Variants in CIP2A observed in about 807,000 individuals in gnomAD.
The protein encoded by CIP2A is protein CIP2A.
CIP2A carries 103 observed loss-of-function variants against 110.9 expected under a neutral mutation model. That is an observed-to-expected ratio of 0.93 (90% CI 0.79 to 1.09). The LOEUF (loss-of-function observed/expected upper bound fraction) is 1.09. Ranked by LOEUF, CIP2A falls within the 50% of genes least tolerant of loss-of-function variation. The probability of loss-of-function intolerance (pLI) is 0.00; values close to 1 mark genes in which losing one functional copy is unlikely to be tolerated. For synonymous variants in CIP2A, 381 were observed against 361.6 expected, an observed-to-expected ratio of 1.05 and a Z score of -0.61; for missense variants, 1,088 against 1,038.4, an observed-to-expected ratio of 1.05 and a Z score of -0.66.
intron 7 of CIP2A, 65 bp from the exon 8 acceptor site, chr3:108,576,411 A>T: frequency 1.2e-6 from 1 of 830,626 alleles, no homozygotes; most frequent in Non-Finnish European, 1.9e-6. Context: ...AAAGGGATTT[A>T]TCTACAAGAT....
intron 7 of CIP2A, 70 bp from the exon 8 acceptor site, chr3:108,576,416 CAAGATA>C: frequency 1.3e-6 from 1 of 790,176 alleles, no homozygotes; most frequent in Non-Finnish European, 2.0e-6. Flanking sequence ...GATTTATCTA[CAAGATA>C]AATATAAAAT....
intron 3 of CIP2A, among the ~76,000 whole-genome samples, 175 bp downstream of exon 3, chr3:108,582,802 C>G (rs979337619): frequency 6.6e-6 from 1 of 152,142 alleles, no homozygotes; most frequent in Non-Finnish European, 1.5e-5. Context: ...CTTCTCTTCT[C>G]TAGAAACATT....
At chr3:108,560,108 C>A in intron 14 of CIP2A, 80 bp from the exon 15 acceptor site, 2 of 753,852 alleles carry the variant, frequency 2.7e-6, no homozygotes, top group South Asian at 3.5e-5. Flanking sequence ...TACTTCAAAA[C>A]TAAATCATTA....
rs188049770 is a variant in CIP2A, at chr3:108,575,972, A to G, written c.894+299T>C. Among the ~76,000 whole-genome samples the G allele has an allele frequency of 7.3e-5, 11 of 151,132 alleles. No homozygotes were observed. The East Asian group carries it at 7.8e-4, about 11-fold the overall frequency. ...CATATATGTGTATATATATGTGTAC[A>G]TATATATGTATGCTGTTAGAAGTCA... On this transcript the variant is annotated intron_variant, in intron 8 of 20. Transcript: ENST00000295746.
chr3:108,563,163 A>G lies in CIP2A; in HGVS notation c.1597T>C (p.Leu533=). The part of the protein sequence containing the change: ...EQVQSGLRIL[L]EAAPLPDFPA... The stretch of plus-strand genomic sequence containing the variant: ...AAATCTGGCAGTGGAGCAGCCTCCA[A>G]TAATATTCTCAGTCCAGACTGTACT... Residue 533 remains leucine (L), a synonymous_variant, in exon 13 of 21, where the codon TTG becomes CTG. Coordinates refer to ENST00000295746, the MANE Select transcript of CIP2A (RefSeq NM_020890.3). The G allele has an allele frequency of 6.2e-7, 1 of 1,612,656 alleles. No homozygotes were observed. Among genetic ancestry groups the G allele is most frequent in the Non-Finnish European group, 8.5e-7 (1 of 1,178,892 alleles).
At chr3:108,551,617 C>T (rs1258060678) in intron 20 of CIP2A, among the ~76,000 whole-genome samples, 1 of 151,992 alleles carries the variant, frequency 6.6e-6, no homozygotes, top group Admixed American at 6.6e-5. Context: ...ATAAGATAAT[C>T]ACATTAAAGC....
chr3:108,556,770 AATG>A (rs1462057678), intron 17 of CIP2A, among the ~76,000 whole-genome samples: 1 of 152,186 alleles, frequency 6.6e-6, no homozygotes, highest in Non-Finnish European at 1.5e-5. Flanking sequence ...TATTAGGCAG[AATG>A]ATATGAAATT....
At position 108,569,527 on chromosome 3, in the gene CIP2A, T is replaced by G. The variant is rs771975238; in HGVS notation, c.975A>C (p.Pro325=). 3.1e-6 allele frequency: 5 copies of G among 1,612,584 alleles called. No individual in the cohort carries two copies. The highest frequency in any genetic ancestry group is 4.2e-6 in the Non-Finnish European group (5 of 1,179,264). The change falls in exon 9 of 21, where the codon CCA becomes CCC. Residue 325 remains proline, a synonymous_variant. Coordinates refer to ENST00000295746, the MANE Select transcript of CIP2A (RefSeq NM_020890.3). Reference sequence around the variant, plus strand: ...GGCTTCCCAGAGTGGCGCTGCCAGGTGGAGACTGTTCAAACATCATCTGAG... The same window carrying G: ...GGCTTCCCAGAGTGGCGCTGCCAGGGGGAGACTGTTCAAACATCATCTGAG... ...MLTQMMFEQS[P]PGSATLGSHT... is the part of the protein sequence containing the mutation.
intron 1 of CIP2A, among the ~76,000 whole-genome samples, chr3:108,588,435 AT>A (rs1196982328): frequency 1.3e-5 from 2 of 152,028 alleles, no homozygotes; most frequent in Non-Finnish European, 2.9e-5. Context: ...ACTGGAAATC[AT>A]TTTTTTCCTG....
intron 16 of CIP2A, 69 bp from the exon 17 acceptor site, chr3:108,557,483 T>C (rs1417730098): frequency 2.7e-5 from 32 of 1,171,884 alleles, no homozygotes; most frequent in Non-Finnish European, 3.7e-5. Context: ...ATACCTACAA[T>C]TTAAAAGTTT....
At chr3:108,563,410 C>T (rs1938075722) in intron 12 of CIP2A, among the ~76,000 whole-genome samples, 166 bp from the exon 13 acceptor site, 1 of 151,802 alleles carries the variant, frequency 6.6e-6, no homozygotes, top group African/African-American at 2.4e-5. Flanking sequence ...TATATTATAC[C>T]TTGTTATAGC....
intron 4 of CIP2A, 62 bp downstream of exon 4, chr3:108,582,046 A>C: frequency 1.3e-6 from 1 of 759,106 alleles, no homozygotes. Flanking sequence ...AATCTACCAC[A>C]TGGTTGTAAT....
chr3:108,585,479 C>G, intron 1 of CIP2A, among the ~76,000 whole-genome samples: 1 of 152,120 alleles, frequency 6.6e-6, no homozygotes, highest in East Asian at 1.9e-4. Flanking sequence ...CATCTCAGTT[C>G]GGTCGGCCTA....
At chr3:108,575,469 T>C (rs1938559898) in intron 8 of CIP2A, among the ~76,000 whole-genome samples, 2 of 149,512 alleles carry the variant, frequency 1.3e-5, no homozygotes, top group Non-Finnish European at 3.0e-5. Context: ...TACATGTGAG[T>C]ATATATACAC....
At chr3:108,559,700 G>C in intron 16 of CIP2A, 57 bp downstream of exon 16, 1 of 931,152 alleles carries the variant, frequency 1.1e-6, no homozygotes, top group South Asian at 2.2e-5. Flanking sequence ...CTAATATTTT[G>C]CATGTTTTAC....
intron 9 of CIP2A, among the ~76,000 whole-genome samples, chr3:108,569,167 A>AATATATATATATATATATATAT (rs1559695577): frequency 8.9e-4 from 1 of 1,128 alleles, no homozygotes; most frequent in Non-Finnish European, 3.8e-3. Context: ...TGAAATGAGC[A>AATATATATATATATATATATAT]CTATATATAT....
chr3:108,577,378 A>G (rs1332611013), intron 7 of CIP2A, among the ~76,000 whole-genome samples: 1 of 152,174 alleles, frequency 6.6e-6, no homozygotes, highest in African/African-American at 2.4e-5. Context: ...GAGAGGAGCA[A>G]CTGCTTCAGA....
In CIP2A at chr3:108,589,416, G is replaced by A; in HGVS notation, c.-41C>T. ...CCGGCTTAGGGACCACCACCGCCCA[G>A]CGTGCGCCGGCCTTTAGCTTTCGCC... On this transcript the variant is annotated 5_prime_UTR_variant, in exon 1 of 21. Transcript: ENST00000295746. 3 of 1,438,668 alleles carry A rather than the reference G, an allele frequency of 2.1e-6. No individual in the cohort carries two copies. The highest frequency in any genetic ancestry group is 2.9e-6 in the Non-Finnish European group (3 of 1,034,146). The allele number at this position is 1,438,668 out of a possible 1,614,324, so 89.1% of individuals were successfully genotyped here. A position where few individuals can be genotyped will look rare whatever the true frequency, so the allele number is the denominator to read the frequency against.
intron 16 of CIP2A, among the ~76,000 whole-genome samples, chr3:108,558,285 C>A (rs1937881545): frequency 6.6e-6 from 1 of 151,960 alleles, no homozygotes; most frequent in Non-Finnish European, 1.5e-5. Flanking sequence ...AAAAAGAATA[C>A]CATTATTCTG....
Sources: gnomAD v4.1 joint callset for allele counts (sites outside exome capture counted in the v4.1 genomes callset) on GRCh38, gnomAD v4.1.1 for gene constraint, MANE v1.5 for transcripts, NCBI Gene and HGNC (gene_info 2026-07-23, HGNC 2026-07-21) for gene names.